The following RDX variants were observed in gnomAD, a reference collection of about 807,000 sequenced individuals.
RDX encodes the protein deafness, autosomal recessive 24.
In RDX, 32 loss-of-function variants were observed where a neutral mutation model predicts 83.7. That is an observed-to-expected ratio of 0.38 (90% CI 0.29 to 0.51). RDX has a LOEUF of 0.51. Ranked by LOEUF, RDX falls within the 20% of genes least tolerant of loss-of-function variation. The probability of loss-of-function intolerance (pLI) is 0.87; values close to 1 mark genes in which losing one functional copy is unlikely to be tolerated. For missense variants in RDX, 600 were observed against 689.9 expected (o/e 0.87, Z 1.46); for synonymous variants, 229 against 222.7 (o/e 1.03, Z -0.25).
intron 9 of RDX, 35 bp from the exon 10 acceptor site, chr11:110,247,868 TAC>T: frequency 6.5e-7 from 1 of 1,535,740 alleles, no homozygotes. Flanking sequence ...TACAAATTAA[TAC>T]ACAAAAATAT....
rs748307983 is a variant in RDX, at chr11:110,257,843, T to C, written c.622A>G (p.Ile208Val). 1.2e-6 allele frequency: 2 copies of C among 1,612,890 alleles called. No homozygotes were observed. Among genetic ancestry groups the C allele is most frequent in the Non-Finnish European group, 1.7e-6 (2 of 1,179,234 alleles). The change falls in exon 7 of 14, where the codon ATA becomes GTA. Residue 208 changes from isoleucine to valine, a missense_variant. Transcript: ENST00000645495. Reference protein sequence around the residue: ...LEMYGVNYFEIKNKKGTELWL... With the variant: ...LEMYGVNYFEVKNKKGTELWL... ...AATTCAGTTCCTTTTTTATTTTTTA[T>C]TTCAAAATAGTTGACTCCATACATT...
intron 1 of RDX, among the ~76,000 whole-genome samples, chr11:110,292,940 T>C (rs919924061): frequency 1.3e-5 from 2 of 152,242 alleles, no homozygotes; most frequent in African/African-American, 2.4e-5. Flanking sequence ...GTCAACTATA[T>C]GCCATATGCT....
chr11:110,253,830 A>C lies in RDX; in HGVS notation c.959+116T>G, dbSNP rs567059118. ...GTGATAATACTGTCTTTGAATTTTA[A>C]TATAATGAAAATATTAATAAATACA... On this transcript the variant is annotated intron_variant, in intron 9 of 13. Transcript: ENST00000645495. 1.7e-5 allele frequency: 15 copies of C among 861,094 alleles called. No homozygotes were observed. The South Asian group carries it at 2.2e-4, about 12-fold the overall frequency. 53.3% of individuals were successfully genotyped at this position (861,094 alleles called of 1,614,324 possible).
intron 15 of RDX, among the ~76,000 whole-genome samples, chr11:110,192,383 G>A (rs115030652): frequency 0.017 from 2,534 of 152,228 alleles, 88 homozygotes; most frequent in African/African-American, 0.056. Flanking sequence ...TACAAAAAGT[G>A]ACTCAAGCTG....
intron 2 of RDX, among the ~76,000 whole-genome samples, chr11:110,277,005 A>G (rs535955410): frequency 6.6e-6 from 1 of 152,244 alleles, no homozygotes; most frequent in African/African-American, 2.4e-5. Flanking sequence ...TGCACATAAT[A>G]TATCGTATAT....
At chr11:110,182,341 C>A (rs1195831930) in intron 15 of RDX, among the ~76,000 whole-genome samples, 2 of 152,188 alleles carry the variant, frequency 1.3e-5, no homozygotes, top group African/African-American at 4.8e-5. Flanking sequence ...GTGGCTCATG[C>A]CTGTAATCCC....
In RDX at chr11:110,251,571, T is replaced by C. The variant is rs188915198; in HGVS notation, c.959+2375A>G. ...TTATCTAGTTCCAAAGCCTGTGTTC[T>C]TTGTATGACACTAGCCAGCCTTGGT... is the stretch of plus-strand genomic sequence containing the variant. On this transcript the variant is annotated intron_variant, in intron 9 of 13. Transcript: ENST00000645495. Among the ~76,000 whole-genome samples, 299 of 152,310 alleles carry C rather than the reference T, an allele frequency of 2.0e-3. 1 individual carries two copies. The highest frequency in any genetic ancestry group is 6.8e-3 in the African/African-American group (282 of 41,572).
At chr11:110,215,997 G>C (rs1052270333) in intron 14 of RDX, among the ~76,000 whole-genome samples, 1 of 152,142 alleles carries the variant, frequency 6.6e-6, no homozygotes, top group Admixed American at 6.5e-5. Context: ...TTCCATCCCT[G>C]CACCTCTGTT....
At chr11:110,176,361 G>C (rs933252442) in intron 15 of RDX, among the ~76,000 whole-genome samples, 1 of 152,124 alleles carries the variant, frequency 6.6e-6, no homozygotes, top group Admixed American at 6.5e-5. Flanking sequence ...ACCTTGTCCG[G>C]CCTAGCACCA....
chr11:110,212,318 G>A (rs1220603655), intron 14 of RDX, among the ~76,000 whole-genome samples: 1 of 148,554 alleles, frequency 6.7e-6, no homozygotes, highest in Non-Finnish European at 1.5e-5. Flanking sequence ...ACCAATAACA[G>A]GAGCTGAAAT....
chr11:110,265,075 CTT>C (rs59010580), intron 3 of RDX, among the ~76,000 whole-genome samples: 2 of 110,536 alleles, frequency 1.8e-5, no homozygotes, highest in African/African-American at 3.2e-5. Flanking sequence ...CTCAATTTTT[CTT>C]TTTTTTTTTT....
chr11:110,223,573 G>A (rs566691510), intron 14 of RDX, among the ~76,000 whole-genome samples: 1 of 151,926 alleles, frequency 6.6e-6, no homozygotes, highest in African/African-American at 2.4e-5. Context: ...CCATCTACCT[G>A]TAACTTAGAT....
chr11:110,277,240 C>T (rs926165692), intron 2 of RDX, among the ~76,000 whole-genome samples: 2 of 152,166 alleles, frequency 1.3e-5, no homozygotes, highest in African/African-American at 2.4e-5. Context: ...GTTCACATTC[C>T]TAACAAAAAT....
At chr11:110,179,896 CTTTTTT>C (rs769880153) in intron 15 of RDX, 70 of 372,924 alleles carry the variant, frequency 1.9e-4, no homozygotes, top group Admixed American at 6.5e-5. Flanking sequence ...TTTTCTTTTT[CTTTTTT>C]CTTTTTTTTT....
intron 3 of RDX, among the ~76,000 whole-genome samples, chr11:110,268,771 GT>G (rs111649113): frequency 1.5e-4 from 23 of 148,654 alleles, no homozygotes; most frequent in Admixed American, 2.7e-4. Flanking sequence ...CTCCTAGAAT[GT>G]TTTTTTTTTA....
At chr11:110,191,548 T>C (rs192832032) in intron 15 of RDX, among the ~76,000 whole-genome samples, 2 of 152,204 alleles carry the variant, frequency 1.3e-5, no homozygotes, top group South Asian at 4.1e-4. Context: ...AGCATAGTAC[T>C]TGAAACCTTA....
At chr11:110,178,867 G>C (rs1862827601) in intron 15 of RDX, among the ~76,000 whole-genome samples, 1 of 152,130 alleles carries the variant, frequency 6.6e-6, no homozygotes, top group Admixed American at 6.6e-5. Flanking sequence ...TGCTTTGGCT[G>C]GCACAACCTG....
chr11:110,290,482 GGCC>G (rs1290219824), intron 1 of RDX, among the ~76,000 whole-genome samples: 6 of 151,410 alleles, frequency 4.0e-5, no homozygotes, highest in African/African-American at 1.5e-4. Flanking sequence ...ACCGCACTCT[GGCC>G]TGGGCAACAG....
chr11:110,262,754 CCA>C (rs1198570356), intron 5 of RDX, among the ~76,000 whole-genome samples: 1 of 152,028 alleles, frequency 6.6e-6, no homozygotes, highest in Non-Finnish European at 1.5e-5. Flanking sequence ...ATTATTATCC[CCA>C]CTTTGCAGAT....
Sources: allele counts gnomAD v4.1 joint callset (sites outside exome capture counted in the v4.1 genomes callset), GRCh38; gene constraint gnomAD v4.1.1; transcripts MANE v1.5; gene names NCBI Gene and HGNC (gene_info 2026-07-23, HGNC 2026-07-21).